Variants in SORCS2 observed in about 807,000 individuals in gnomAD.
SORCS2 encodes the protein VPS10 domain-containing receptor SorCS2.
Under a neutral mutation model 141.6 loss-of-function variants are expected in SORCS2, and 100 were observed. The ratio of observed to expected loss-of-function variants is 0.71; its 90% confidence interval spans 0.60 to 0.83. The LOEUF (loss-of-function observed/expected upper bound fraction) is 0.83. Among genes scored for constraint, SORCS2 ranks in the 40% least tolerant of loss-of-function variants. SORCS2 has a pLI of 0.00. For synonymous variants in SORCS2, 789 were observed against 676.9 expected, an observed-to-expected ratio of 1.17 and a Z score of -2.57; for missense variants, 1,646 against 1,560.2, an observed-to-expected ratio of 1.05 and a Z score of -0.93.
Position 7,641,745 on chromosome 4 carries a change from G to A in SORCS2, c.813+3253G>A, listed in dbSNP as rs561496052. Among the ~76,000 whole-genome samples the A allele has an allele frequency of 6.6e-5, 10 of 151,638 alleles. No homozygotes were observed. In the South Asian group the frequency reaches 2.1e-3, roughly 32 times the overall value. On this transcript the variant is annotated intron_variant, in intron 4 of 26. Transcript: ENST00000507866. ...GGGATGGACAGATGAATAAATGGAT[G>A]AATAGATGTATAGATGATGGATGGA...
At chr4:7,699,519 T>A (rs1724923642) in intron 12 of SORCS2, among the ~76,000 whole-genome samples, 1 of 152,038 alleles carries the variant, frequency 6.6e-6, no homozygotes, top group African/African-American at 2.4e-5. Context: ...ACTCCAGGAC[T>A]GTTGGGCTCT....
intron 3 of SORCS2, among the ~76,000 whole-genome samples, chr4:7,590,352 G>A (rs778046347): frequency 1.1e-4 from 17 of 152,080 alleles, no homozygotes; most frequent in Non-Finnish European, 2.1e-4. Context: ...CTTGCCAATC[G>A]GGTCCCCTTT....
intron 2 of SORCS2, among the ~76,000 whole-genome samples, chr4:7,452,742 G>A (rs113261771): frequency 3.9e-5 from 6 of 152,346 alleles, no homozygotes; most frequent in South Asian, 2.1e-4. Context: ...TAGGATTGCC[G>A]GAAAGATGAG....
At chr4:7,384,960 G>A (rs1397677675) in intron 1 of SORCS2, among the ~76,000 whole-genome samples, 1 of 152,242 alleles carries the variant, frequency 6.6e-6, no homozygotes, top group Non-Finnish European at 1.5e-5. Flanking sequence ...TAGAGGGAAA[G>A]GCCTGTACTC....
intron 2 of SORCS2, among the ~76,000 whole-genome samples, chr4:7,420,348 C>T (rs1032947029): frequency 6.6e-6 from 1 of 152,196 alleles, no homozygotes; most frequent in South Asian, 2.1e-4. Context: ...TATTCTCCAC[C>T]TTGCAGGTTT....
chr4:7,460,512 C>T (rs192473537), intron 2 of SORCS2, among the ~76,000 whole-genome samples: 5 of 152,238 alleles, frequency 3.3e-5, no homozygotes, highest in African/African-American at 1.2e-4. Flanking sequence ...CCACCTTGCG[C>T]CATTGTGTCT....
At chr4:7,525,626 C>A (rs1733620700) in intron 2 of SORCS2, among the ~76,000 whole-genome samples, 1 of 152,076 alleles carries the variant, frequency 6.6e-6, no homozygotes, top group African/African-American at 2.4e-5. Flanking sequence ...CTTCCTGGGC[C>A]TACATCCTAT....
rs1722367145 is a variant in SORCS2, at chr4:7,664,353, A to T, written c.953A>T (p.Asp318Val). ...VHVEAQDLGG[D>V]FRYVTCAIHN... is the part of the protein sequence containing the mutation. ...CTGGGTCGGCGCCTCTCTCCTGTAG[A>T]TTTTCGGTACGTCACCTGCGCAATC... The change falls in exon 7 of 27, where the codon GAT becomes GTT. Residue 318 changes from aspartate to valine, a missense_variant and splice_region_variant. Coordinates refer to ENST00000507866, the MANE Select transcript of SORCS2 (RefSeq NM_020777.3). The surrounding 1 kb of genome is among the most constrained non-coding windows in gnomAD (Gnocchi z 4.7). 6.2e-7 allele frequency: 1 copy of T among 1,612,768 alleles called. No homozygotes were observed. Among genetic ancestry groups the T allele is most frequent in the Non-Finnish European group, 8.5e-7 (1 of 1,179,290 alleles).
intron 6 of SORCS2, among the ~76,000 whole-genome samples, chr4:7,662,239 AC>A: frequency 1.5e-5 from 1 of 65,606 alleles, no homozygotes; most frequent in African/African-American, 5.4e-5. Flanking sequence ...CCCCTCCCCC[AC>A]CCCCACCCTG....
chr4:7,515,070 C>T (rs1193896172), intron 2 of SORCS2, among the ~76,000 whole-genome samples: 1 of 152,318 alleles, frequency 6.6e-6, no homozygotes, highest in East Asian at 1.9e-4. Context: ...CCTTCTGCTT[C>T]TGGGAGGGAT....
At chr4:7,505,501 T>TG (rs1250924921) in intron 2 of SORCS2, among the ~76,000 whole-genome samples, 1 of 152,154 alleles carries the variant, frequency 6.6e-6, no homozygotes, top group Admixed American at 6.5e-5. Context: ...CAGAGACATC[T>TG]GGGGGTCCCC....
chr4:7,207,047 G>C (rs527461039), intron 1 of SORCS2, among the ~76,000 whole-genome samples: 4 of 152,184 alleles, frequency 2.6e-5, no homozygotes, highest in Admixed American at 2.6e-4. Flanking sequence ...CCCGCACCTA[G>C]CATCACCCAC....
intron 2 of SORCS2, among the ~76,000 whole-genome samples, chr4:7,464,410 A>T (rs781016157): frequency 1.2e-4 from 18 of 152,184 alleles, no homozygotes; most frequent in Non-Finnish European, 2.2e-4. Flanking sequence ...GCTGTGGTCT[A>T]TTCAGGGAAA....
At chr4:7,699,143 C>CA (rs924996616) in intron 12 of SORCS2, among the ~76,000 whole-genome samples, 10 of 152,238 alleles carry the variant, frequency 6.6e-5, no homozygotes, top group Admixed American at 6.5e-4. Flanking sequence ...GGCTGAAACT[C>CA]AGTGTGTGGG....
At chr4:7,649,152 G>A (rs1194346737) in intron 4 of SORCS2, among the ~76,000 whole-genome samples, 4 of 152,196 alleles carry the variant, frequency 2.6e-5, no homozygotes, top group African/African-American at 9.6e-5. Context: ...CCTGACCCGG[G>A]GGAGACTTTA....
In SORCS2 at chr4:7,660,312, CG is replaced by C. The variant is rs372779556; in HGVS notation, c.888-1187del. Among the ~76,000 whole-genome samples the C allele has an allele frequency of 2.3e-3, 349 of 152,302 alleles. 5 individuals are homozygous for C. The highest frequency in any genetic ancestry group is 7.0e-3 in the African/African-American group (293 of 41,574). On this transcript the variant is annotated intron_variant, in intron 5 of 26. Transcript: ENST00000507866. ...GGTGGAGTGGGAGAACCACAGCCCC[CG>C]CCTGAGTGTCCTGACCCAGGAGCCC...
At chr4:7,611,890 C>T (rs536251506) in intron 3 of SORCS2, among the ~76,000 whole-genome samples, 5 of 152,342 alleles carry the variant, frequency 3.3e-5, no homozygotes, top group East Asian at 1.9e-4. Flanking sequence ...ACAGGCTTGC[C>T]GAGCCCTGGC....
chr4:7,258,510 T>G (rs1311465399), intron 1 of SORCS2, among the ~76,000 whole-genome samples: 1 of 152,204 alleles, frequency 6.6e-6, no homozygotes, highest in South Asian at 2.1e-4. Context: ...TATCCCATGG[T>G]GTATATGTGC....
chr4:7,206,740 G>A (rs1431487791), intron 1 of SORCS2, among the ~76,000 whole-genome samples: 3 of 152,124 alleles, frequency 2.0e-5, no homozygotes, highest in Admixed American at 1.3e-4. Context: ...AGGAGCCAGG[G>A]TACTCCGTGG....
Sources: allele counts gnomAD v4.1 joint callset (sites outside exome capture counted in the v4.1 genomes callset), GRCh38; gene constraint gnomAD v4.1.1; non-coding constraint Gnocchi (gnomAD v3.1); transcripts MANE v1.5; gene names NCBI Gene and HGNC (gene_info 2026-07-23, HGNC 2026-07-21).